The following KCNK5 variants were observed in gnomAD, a reference collection of about 807,000 sequenced individuals.
The protein encoded by KCNK5 is potassium two pore domain channel subfamily K member 5.
Under a neutral mutation model 32.9 loss-of-function variants are expected in KCNK5, and 18 were observed. The observed-to-expected ratio is 0.55, with a 90% CI of 0.38 to 0.81. The LOEUF (loss-of-function observed/expected upper bound fraction) is 0.81. KCNK5 is among the 30% of genes least tolerant of loss of function. The pLI is 0.00. For synonymous variants in KCNK5, 276 were observed against 275.3 expected (o/e 1.00, Z -0.03); for missense variants, 507 against 651.0 (o/e 0.78, Z 2.41).
At chr6:39,197,315 C>T (rs951274092) in intron 1 of KCNK5, among the ~76,000 whole-genome samples, 2 of 152,212 alleles carry the variant, frequency 1.3e-5, no homozygotes, top group Admixed American at 1.3e-4. Flanking sequence ...GAAGCAGCAG[C>T]CGGCCTGCGT....
rs566955674 is a variant in KCNK5 at position 39,212,156 on chromosome 6, G to A, written c.187-16169C>T. 1.2e-3 allele frequency among the ~76,000 whole-genome samples: 181 copies of A among 152,130 alleles called. 2 individuals are homozygous for A. The highest frequency in any genetic ancestry group is 2.5e-3 in the Admixed American group (38 of 15,278). On this transcript the variant is annotated intron_variant, in intron 1 of 4. Coordinates refer to ENST00000359534, the MANE Select transcript of KCNK5 (RefSeq NM_003740.4). ...ATACAAAAATTAGCCAGGTGTGGTCGTGCATGCCTGTAATCCCAGCTACTC... is the reference window on the plus strand; with the variant it reads ...ATACAAAAATTAGCCAGGTGTGGTCATGCATGCCTGTAATCCCAGCTACTC...
chr6:39,199,675 G>A (rs1226644735), intron 1 of KCNK5, among the ~76,000 whole-genome samples: 2 of 152,178 alleles, frequency 1.3e-5, no homozygotes, highest in Non-Finnish European at 2.9e-5. Flanking sequence ...GCCTCCATCT[G>A]CCTGGGTCTG....
At chr6:39,216,892 C>T (rs1024611745) in intron 1 of KCNK5, among the ~76,000 whole-genome samples, 7 of 151,984 alleles carry the variant, frequency 4.6e-5, no homozygotes, top group Admixed American at 1.3e-4. Flanking sequence ...GAGGCTGAGG[C>T]GGGCAGATCA....
Position 39,191,377 on chromosome 6 carries a change from G to A in KCNK5, c.1013C>T (p.Pro338Leu), listed in dbSNP as rs368894493. 2 of 1,613,416 alleles carry A rather than the reference G, an allele frequency of 1.2e-6. No homozygotes were observed. Among genetic ancestry groups the A allele is most frequent in the Non-Finnish European group, 1.7e-6 (2 of 1,180,018 alleles). Reference sequence around the variant, plus strand: ...GACTACCAGGGGCACCAGGGAAGGGGGCAGTGCTGGGAGCCCACCGCCTTG... The same window carrying A: ...GACTACCAGGGGCACCAGGGAAGGGAGCAGTGCTGGGAGCCCACCGCCTTG... ...GPQGGGLPAL[P>L]PSLVPLVVYS... The change falls in exon 5 of 5, where the codon CCC (proline) becomes CTC (leucine). Residue 338 changes from proline to leucine, a missense_variant. Physicochemically the swap from Pro to Leu is moderately conservative, Grantham distance 98. Around this residue, in one of 6 missense-constraint regions of KCNK5, gnomAD observed 252 missense variants for 250.8 expected, o/e 1.00. Coordinates refer to ENST00000359534, the MANE Select transcript of KCNK5 (RefSeq NM_003740.4). The surrounding 1 kb of genome is among the most constrained non-coding windows in gnomAD (Gnocchi z 5.8).
chr6:39,219,168 A>C (rs1771497333), intron 1 of KCNK5, among the ~76,000 whole-genome samples: 1 of 152,158 alleles, frequency 6.6e-6, no homozygotes, highest in Admixed American at 6.5e-5. Context: ...TCACAGGGGA[A>C]AGGAATTCGG....
At chr6:39,193,064 T>C (rs1271697146) in intron 4 of KCNK5, among the ~76,000 whole-genome samples, 3 of 152,374 alleles carry the variant, frequency 2.0e-5, no homozygotes, top group Admixed American at 6.5e-5. Context: ...AGCCAGGCCC[T>C]ACCCTTAACA....
intron 1 of KCNK5, among the ~76,000 whole-genome samples, chr6:39,201,633 C>T (rs1771134832): frequency 6.6e-6 from 1 of 152,204 alleles, no homozygotes; most frequent in Non-Finnish European, 1.5e-5. Context: ...GAAAATAGAG[C>T]TGACCCTCTT....
At chr6:39,219,194 C>T (rs1439310620) in intron 1 of KCNK5, among the ~76,000 whole-genome samples, 2 of 152,010 alleles carry the variant, frequency 1.3e-5, no homozygotes, top group African/African-American at 4.8e-5. Flanking sequence ...GTTGATGGAA[C>T]AAGGGATGGG....
chr6:39,214,374 T>C (rs1435439944), intron 1 of KCNK5, among the ~76,000 whole-genome samples: 1 of 152,156 alleles, frequency 6.6e-6, no homozygotes, highest in African/African-American at 2.4e-5. Flanking sequence ...CAGAGGGGTA[T>C]GGTCAGCACC....
intron 1 of KCNK5, among the ~76,000 whole-genome samples, chr6:39,221,937 C>G (rs995080621): frequency 6.6e-6 from 1 of 152,176 alleles, no homozygotes; most frequent in Non-Finnish European, 1.5e-5. Flanking sequence ...CTGCACTGAT[C>G]TCCAGAGGGT....
At chr6:39,208,485 G>A (rs1449278673) in intron 1 of KCNK5, among the ~76,000 whole-genome samples, 1 of 152,158 alleles carries the variant, frequency 6.6e-6, no homozygotes, top group East Asian at 1.9e-4. Context: ...CACCTGTCCC[G>A]AAATCCTTCC....
chr6:39,220,006 T>G (rs1771510373), intron 1 of KCNK5, among the ~76,000 whole-genome samples: 2 of 152,098 alleles, frequency 1.3e-5, no homozygotes, highest in South Asian at 4.1e-4. Context: ...TTAGAATCAG[T>G]TTTCTGCTAC....
Position 39,194,682 on chromosome 6 carries a change from C to A in KCNK5, c.377G>T (p.Cys126Phe), listed in dbSNP as rs1254086943. The A allele has an allele frequency of 1.2e-6, 2 of 1,614,098 alleles. No homozygotes were observed. Among genetic ancestry groups the A allele is most frequent in the Admixed American group, 3.3e-5 (2 of 60,022 alleles). Reference protein sequence around the residue: ...VFYGLFGVPLCLTWISALGKF... With the variant: ...VFYGLFGVPLFLTWISALGKF... The stretch of plus-strand genomic sequence containing the variant: ...GCCCAGGGCACTGATCCACGTCAGG[C>A]AGAGCGGCACCCCGAAGAGACCATA... Residue 126 changes from cysteine to phenylalanine, a missense_variant, in exon 3 of 5, where the codon TGC (cysteine) becomes TTC (phenylalanine). Transcript: ENST00000359534. This position sits in a 1 kb window ranked among gnomAD's most constrained non-coding sequence, Gnocchi z 4.7.
At chr6:39,228,616 C>T (rs9471016) in intron 1 of KCNK5, among the ~76,000 whole-genome samples, 10,420 of 152,260 alleles carry the variant, frequency 0.068, 690 homozygotes, top group African/African-American at 0.17. Context: ...ACAGCCTCTT[C>T]CCAAGGAGGG....
In KCNK5 at chr6:39,190,771, C is replaced by T. The variant is rs1770907118; in HGVS notation, c.*119G>A. 1 of 1,036,088 alleles carries T rather than the reference C, an allele frequency of 9.7e-7. No individual in the cohort carries two copies. The allele number at this position is 1,036,088 out of a possible 1,614,324, so 64.2% of individuals were successfully genotyped here. ...GGAAGGTTAGGAAGGCCCCTGGCCC[C>T]CCACTCCCAGTTCCGAGGCTGCCCC... On this transcript the variant is annotated 3_prime_UTR_variant, in exon 5 of 5. Transcript: ENST00000359534.
In KCNK5 at chr6:39,229,428, G is replaced by C. The variant is rs560154341; in HGVS notation, c.-317C>G. 3.1e-6 allele frequency: 1 copy of C among 317,988 alleles called. No individual in the cohort carries two copies. The highest frequency in any genetic ancestry group is 2.1e-5 in the African/African-American group (1 of 46,940). 19.7% of individuals were successfully genotyped at this position (317,988 alleles called of 1,614,324 possible). Reference sequence around the variant, plus strand: ...AGGACTTGACTCTGGGCAGACACGTGGGCCGCTTCTCCACGCGTCGCTCCT... The same window carrying C: ...AGGACTTGACTCTGGGCAGACACGTCGGCCGCTTCTCCACGCGTCGCTCCT... On this transcript the variant is annotated 5_prime_UTR_variant, in exon 1 of 5. Coordinates refer to ENST00000359534, the MANE Select transcript of KCNK5 (RefSeq NM_003740.4).
chr6:39,202,620 T>C (rs955933108), intron 1 of KCNK5, among the ~76,000 whole-genome samples: 1 of 152,166 alleles, frequency 6.6e-6, no homozygotes, highest in Non-Finnish European at 1.5e-5. Flanking sequence ...ACGAGGGCAG[T>C]AAATGTACCG....
At chr6:39,203,763 C>T (rs1446862436) in intron 1 of KCNK5, among the ~76,000 whole-genome samples, 1 of 152,228 alleles carries the variant, frequency 6.6e-6, no homozygotes, top group Non-Finnish European at 1.5e-5. Flanking sequence ...ATTCTGTTGA[C>T]CTGGCACAAC....
At chr6:39,201,322 G>A (rs533117839) in intron 1 of KCNK5, among the ~76,000 whole-genome samples, 2 of 151,086 alleles carry the variant, frequency 1.3e-5, no homozygotes, top group Admixed American at 6.6e-5. Flanking sequence ...CGTGATCTCA[G>A]CTCACTGCAA....
Sources: allele counts gnomAD v4.1 joint callset (sites outside exome capture counted in the v4.1 genomes callset), GRCh38; gene constraint gnomAD v4.1.1; regional missense constraint gnomAD v4.1.1; non-coding constraint Gnocchi (gnomAD v3.1); transcripts MANE v1.5; gene names NCBI Gene and HGNC (gene_info 2026-07-23, HGNC 2026-07-21).